The following EGFLAM variants were observed in gnomAD, a reference collection of about 807,000 sequenced individuals.
The protein encoded by EGFLAM is EGF like, fibronectin type III and laminin G domains.
In EGFLAM, 79 loss-of-function variants were observed where a neutral mutation model predicts 113.1. That is an observed-to-expected ratio of 0.70 (90% CI 0.58 to 0.84). The LOEUF is 0.84. EGFLAM is among the 40% of genes least tolerant of loss of function. The pLI, the probability that EGFLAM is intolerant of heterozygous loss-of-function variation, is 0.00. For synonymous variants in EGFLAM, 504 were observed against 487.6 expected (o/e 1.03, Z -0.44); for missense variants, 1,265 against 1,291.6 (o/e 0.98, Z 0.32).
chr5:38,419,712 A>G (rs1166091167), intron 12 of EGFLAM, among the ~76,000 whole-genome samples: 9 of 152,188 alleles, frequency 5.9e-5, no homozygotes, highest in Non-Finnish European at 1.3e-4. Flanking sequence ...AGTAGGTGCT[A>G]TCATTAGCCT....
At chr5:38,298,516 G>A (rs1312157726) in intron 1 of EGFLAM, among the ~76,000 whole-genome samples, 1 of 152,018 alleles carries the variant, frequency 6.6e-6, no homozygotes, top group African/African-American at 2.4e-5. Context: ...CTCCTGTGTT[G>A]GGGTTTTGAG....
intron 1 of EGFLAM, among the ~76,000 whole-genome samples, chr5:38,274,972 G>A (rs1309246409): frequency 6.9e-6 from 1 of 145,758 alleles, no homozygotes; most frequent in East Asian, 2.0e-4. Context: ...TGAAGTTAAA[G>A]TGTAGAGATT....
chr5:38,312,500 A>G (rs1057513800), intron 1 of EGFLAM, among the ~76,000 whole-genome samples: 5 of 151,942 alleles, frequency 3.3e-5, no homozygotes, highest in Non-Finnish European at 5.9e-5. Context: ...TCGGCCTCCC[A>G]AAGTCCTGGG....
intron 1 of EGFLAM, among the ~76,000 whole-genome samples, chr5:38,280,290 G>A (rs11745784): frequency 0.42 from 64,240 of 151,784 alleles, 14,006 homozygotes; most frequent in Middle Eastern, 0.57. Flanking sequence ...GTGCACTCAC[G>A]TACTGGTGGG....
At chr5:38,301,700 G>C (rs1561269564) in intron 1 of EGFLAM, among the ~76,000 whole-genome samples, 1 of 152,096 alleles carries the variant, frequency 6.6e-6, no homozygotes, top group Non-Finnish European at 1.5e-5. Flanking sequence ...CTTGGGTCAT[G>C]GAGCTTGAAG....
intron 1 of EGFLAM, among the ~76,000 whole-genome samples, chr5:38,285,383 CAT>C (rs906917919): frequency 3.3e-5 from 5 of 152,242 alleles, no homozygotes; most frequent in East Asian, 1.9e-4. Flanking sequence ...AATAAAAAAT[CAT>C]GTGATCAAAA....
At chr5:38,437,902 T>G (rs1454975960) in intron 16 of EGFLAM, among the ~76,000 whole-genome samples, 1 of 152,066 alleles carries the variant, frequency 6.6e-6, no homozygotes, top group African/African-American at 2.4e-5. Context: ...AGTGGGCGGA[T>G]CACCTGAGGT....
chr5:38,457,648 C>T (rs116235346), intron 19 of EGFLAM, among the ~76,000 whole-genome samples: 1,693 of 152,250 alleles, frequency 0.011, 31 homozygotes, highest in African/African-American at 0.038. Context: ...AAATAAGTAA[C>T]ATTCTGAGGC....
At chr5:38,313,777 G>A (rs2111869229) in intron 1 of EGFLAM, among the ~76,000 whole-genome samples, 1 of 152,148 alleles carries the variant, frequency 6.6e-6, no homozygotes, top group East Asian at 1.9e-4. Context: ...ATATTTGAAT[G>A]TTTTTCTGTG....
At chr5:38,261,152 G>A (rs1757490897) in intron 1 of EGFLAM, among the ~76,000 whole-genome samples, 1 of 152,110 alleles carries the variant, frequency 6.6e-6, no homozygotes, top group Admixed American at 6.5e-5. Flanking sequence ...TTCCCCATCC[G>A]CACCTACCTC....
Position 38,418,299 on chromosome 5 carries a change from T to G in EGFLAM, c.1684+44T>G, listed in dbSNP as rs373306218. 4 of 1,602,400 alleles carry G rather than the reference T, an allele frequency of 2.5e-6. No homozygotes were observed. In the South Asian group the frequency reaches 3.4e-5, roughly 13 times the overall value. On this transcript the variant is annotated intron_variant, in intron 12 of 21. Transcript: ENST00000322350. The stretch of plus-strand genomic sequence containing the variant: ...GGTTGGGGTACTCTTATGGGACTTA[T>G]GTCTTATGGGACTGCCTTTCTGGCT...
intron 6 of EGFLAM, among the ~76,000 whole-genome samples, chr5:38,393,730 C>A (rs753347997): frequency 2.0e-4 from 31 of 152,212 alleles, no homozygotes; most frequent in South Asian, 4.1e-4. Flanking sequence ...TCCTCTCTGG[C>A]GGAGCAGGCT....
rs560657809 is a variant in EGFLAM at position 38,337,380 on chromosome 5, A to G, written c.98-140A>G. The G allele has an allele frequency of 6.4e-5, 50 of 785,410 alleles. No homozygotes were observed. In the Admixed American group the frequency reaches 1.2e-3, roughly 18 times the overall value. The allele number at this position is 785,410 out of a possible 1,614,324, so 48.7% of individuals were successfully genotyped here. On this transcript the variant is annotated intron_variant, in intron 1 of 21. Coordinates refer to ENST00000322350, the MANE Select transcript of EGFLAM (RefSeq NM_152403.4). The stretch of plus-strand genomic sequence containing the variant: ...AGGTCAGCTGAGATAGGTGTGGTGT[A>G]TCAGAAATTGACTGCATTTCTGGAA...
intron 17 of EGFLAM, among the ~76,000 whole-genome samples, chr5:38,447,586 T>G (rs1478485555): frequency 1.3e-5 from 2 of 152,066 alleles, no homozygotes; most frequent in East Asian, 3.9e-4. Context: ...TGAAACCCCA[T>G]CTCTACTAAA....
chr5:38,447,558 C>G (rs1331092778), intron 17 of EGFLAM, among the ~76,000 whole-genome samples: 2 of 152,138 alleles, frequency 1.3e-5, no homozygotes, highest in East Asian at 3.9e-4. Flanking sequence ...GAGTTCGAGA[C>G]CAGCCTGGCC....
At chr5:38,315,606 A>G (rs1738572611) in intron 1 of EGFLAM, among the ~76,000 whole-genome samples, 1 of 152,166 alleles carries the variant, frequency 6.6e-6, no homozygotes, top group South Asian at 2.1e-4. Flanking sequence ...GTCCTCCCCA[A>G]CAAGAGAGAG....
chr5:38,447,191 TG>T (rs1328796411), intron 17 of EGFLAM, among the ~76,000 whole-genome samples: 1 of 152,172 alleles, frequency 6.6e-6, no homozygotes, highest in Non-Finnish European at 1.5e-5. Flanking sequence ...TTGCTAACTA[TG>T]TGTAAAAGGG....
rs145968763 is a variant in EGFLAM, at chr5:38,459,273, G to A, written c.2771+879G>A. Among the ~76,000 whole-genome samples the A allele has an allele frequency of 6.6e-3, 1,005 of 151,756 alleles. 14 individuals carry two copies. Among genetic ancestry groups the A allele is most frequent in the African/African-American group, 0.023 (968 of 41,300 alleles). On this transcript the variant is annotated intron_variant, in intron 20 of 21. Transcript: ENST00000322350. ...TCCCACCTTGGCCTCCCAAAGTGTTGGGATTACAGGCATGAGCCACTGCAC... is the reference window on the plus strand; with the variant it reads ...TCCCACCTTGGCCTCCCAAAGTGTTAGGATTACAGGCATGAGCCACTGCAC...
intron 1 of EGFLAM, among the ~76,000 whole-genome samples, chr5:38,287,138 T>A (rs1195348652): frequency 6.6e-6 from 1 of 152,204 alleles, no homozygotes; most frequent in Non-Finnish European, 1.5e-5. Context: ...TTCTAGGTAA[T>A]AGATCTTGAA....
Sources: allele counts gnomAD v4.1 joint callset (sites outside exome capture counted in the v4.1 genomes callset), GRCh38; gene constraint gnomAD v4.1.1; transcripts MANE v1.5; gene names NCBI Gene and HGNC (gene_info 2026-07-23, HGNC 2026-07-21).